The following PLPP4 variants were observed in gnomAD, a reference collection of about 807,000 sequenced individuals.
PLPP4 encodes the protein phospholipid phosphatase 4.
PLPP4 carries 20 observed loss-of-function variants against 32.2 expected under a neutral mutation model. That is an observed-to-expected ratio of 0.62 (90% CI 0.44 to 0.90). The LOEUF (loss-of-function observed/expected upper bound fraction) is 0.90. Among genes scored for constraint, PLPP4 ranks in the 40% least tolerant of loss-of-function variants. The pLI is 0.00. For missense variants in PLPP4, 257 were observed against 353.1 expected, an observed-to-expected ratio of 0.73 and a Z score of 2.18; for synonymous variants, 127 against 133.0, an observed-to-expected ratio of 0.95 and a Z score of 0.31.
At chr10:120,574,179 CTCTCTCTCT>C (rs1849095864) in intron 5 of PLPP4, among the ~76,000 whole-genome samples, 1 of 83,178 alleles carries the variant, frequency 1.2e-5, no homozygotes, top group African/African-American at 7.9e-5. Context: ...CTCTCTCTCT[CTCTCTCTCT>C]CTCTCTCTCT....
chr10:120,579,090 G>A (rs1849358779), intron 6 of PLPP4, among the ~76,000 whole-genome samples: 1 of 152,192 alleles, frequency 6.6e-6, no homozygotes, highest in South Asian at 2.1e-4. Context: ...CTAGTGGCAG[G>A]AATGTGGTGT....
At chr10:120,466,502 CTT>C (rs1848320625) in intron 1 of PLPP4, among the ~76,000 whole-genome samples, 1 of 152,122 alleles carries the variant, frequency 6.6e-6, no homozygotes, top group African/African-American at 2.4e-5. Context: ...AGAGCACACG[CTT>C]TACGGCTCCA....
intron 5 of PLPP4, among the ~76,000 whole-genome samples, chr10:120,562,272 A>G (rs1333241577): frequency 6.6e-6 from 1 of 152,168 alleles, no homozygotes; most frequent in African/African-American, 2.4e-5. Flanking sequence ...TGACTTTGGT[A>G]TATTAATTTT....
chr10:120,496,347 A>C (rs1844962402), intron 1 of PLPP4, among the ~76,000 whole-genome samples: 1 of 152,188 alleles, frequency 6.6e-6, no homozygotes, highest in Admixed American at 6.5e-5. Context: ...TGTGATGTCA[A>C]TATCAGCCAT....
intron 2 of PLPP4, 64 bp from the exon 3 acceptor site, chr10:120,513,841 CTAATTA>C: frequency 8.5e-7 from 1 of 1,172,800 alleles, no homozygotes; most frequent in Non-Finnish European, 1.3e-6. Flanking sequence ...CTAACGGGAA[CTAATTA>C]TCAATCAGCC....
At chr10:120,558,528 G>C (rs772627309) in intron 5 of PLPP4, among the ~76,000 whole-genome samples, 2 of 150,382 alleles carry the variant, frequency 1.3e-5, no homozygotes, top group Non-Finnish European at 2.9e-5. Flanking sequence ...CTATTCTCCT[G>C]CCTGAGCCTC....
chr10:120,483,680 C>T (rs896963647), intron 1 of PLPP4, among the ~76,000 whole-genome samples: 1 of 152,178 alleles, frequency 6.6e-6, no homozygotes, highest in Admixed American at 6.5e-5. Context: ...GGGATTGGAT[C>T]CCTTAAGAGT....
intron 6 of PLPP4, among the ~76,000 whole-genome samples, chr10:120,576,058 T>C (rs1849209836): frequency 6.6e-6 from 1 of 152,284 alleles, no homozygotes; most frequent in East Asian, 1.9e-4. Context: ...TGGATCACCT[T>C]GATCAAGCTG....
rs114917542 is a variant in PLPP4 at position 120,461,237 on chromosome 10, G to A, written c.56+3876G>A. Reference sequence around the variant, plus strand: ...GATGTGGTGAGTAAATTGCCGGTGAGAACATCAATTGTAGTAGTAAGAAAC... The same window carrying A: ...GATGTGGTGAGTAAATTGCCGGTGAAAACATCAATTGTAGTAGTAAGAAAC... On this transcript the variant is annotated intron_variant, in intron 1 of 6. Coordinates refer to ENST00000398250, the MANE Select transcript of PLPP4 (RefSeq NM_001030059.3). Among the ~76,000 whole-genome samples, 597 of 152,330 alleles carry A rather than the reference G, an allele frequency of 3.9e-3. 1 individual carries two copies. The highest frequency in any genetic ancestry group is 0.013 in the African/African-American group (560 of 41,580).
chr10:120,506,885 A>G (rs998846573), intron 2 of PLPP4, among the ~76,000 whole-genome samples: 1 of 152,216 alleles, frequency 6.6e-6, no homozygotes, highest in Non-Finnish European at 1.5e-5. Context: ...TTGACAACCC[A>G]GTGTTCCTGT....
chr10:120,542,643 C>CA (rs1847401897), intron 5 of PLPP4, among the ~76,000 whole-genome samples: 2 of 152,104 alleles, frequency 1.3e-5, no homozygotes, highest in Non-Finnish European at 1.5e-5. Context: ...TAAACCTCAG[C>CA]AAAAAAGTGA....
intron 5 of PLPP4, among the ~76,000 whole-genome samples, chr10:120,569,225 T>A (rs1350468903): frequency 2.1e-5 from 3 of 145,970 alleles, no homozygotes; most frequent in African/African-American, 7.7e-5. Context: ...GGGTAAAGAG[T>A]GAGACTCCAT....
intron 5 of PLPP4, among the ~76,000 whole-genome samples, chr10:120,533,241 T>G (rs925924860): frequency 7.9e-5 from 12 of 152,204 alleles, no homozygotes; most frequent in African/African-American, 2.9e-4. Flanking sequence ...GATTATGATT[T>G]TGATTTATGT....
rs972974599 is a variant in PLPP4 at position 120,538,052 on chromosome 10, CTG to C, written c.445+16989_445+16990del. Among the ~76,000 whole-genome samples the C allele has an allele frequency of 3.1e-3, 59 of 18,992 alleles. 1 individual carries two copies. Among genetic ancestry groups the C allele is most frequent in the African/African-American group, 0.013 (51 of 4,014 alleles). 12.5% of individuals were successfully genotyped at this position (18,992 alleles called of 152,430 possible). A position where few individuals can be genotyped will look rare whatever the true frequency, so the allele number is the denominator to read the frequency against. ...TCTCTCTCTCTCTCTCTCTCTCTCTCTGTGTGTGTGTGTGTGTGTGTGTGTGT... is the reference window on the plus strand; with the variant it reads ...TCTCTCTCTCTCTCTCTCTCTCTCTCTGTGTGTGTGTGTGTGTGTGTGTGT... On this transcript the variant is annotated intron_variant, in intron 5 of 6. Transcript: ENST00000398250.
intron 5 of PLPP4, among the ~76,000 whole-genome samples, chr10:120,558,564 C>T (rs1215694658): frequency 1.3e-5 from 2 of 151,754 alleles, no homozygotes; most frequent in Non-Finnish European, 2.9e-5. Context: ...TACAGGTGCC[C>T]ACCACCACAC....
At chr10:120,465,147 T>G (rs550225288) in intron 1 of PLPP4, among the ~76,000 whole-genome samples, 19 of 152,384 alleles carry the variant, frequency 1.2e-4, no homozygotes, top group African/African-American at 4.3e-4. Context: ...ATAGCATTTG[T>G]AAATAGAAAC....
intron 5 of PLPP4, among the ~76,000 whole-genome samples, chr10:120,534,617 A>G (rs571113576): frequency 6.6e-6 from 1 of 152,064 alleles, no homozygotes; most frequent in African/African-American, 2.4e-5. Context: ...ATATTTCTGT[A>G]AGACTGTTTA....
chr10:120,507,554 C>T (rs750025605), intron 2 of PLPP4, among the ~76,000 whole-genome samples: 42 of 152,180 alleles, frequency 2.8e-4, no homozygotes, highest in Non-Finnish European at 5.0e-4. Context: ...ACAGCTTGTC[C>T]GAGATTATAC....
chr10:120,559,868 C>T (rs1349307777), intron 5 of PLPP4, among the ~76,000 whole-genome samples: 1 of 152,192 alleles, frequency 6.6e-6, no homozygotes, highest in Non-Finnish European at 1.5e-5. Context: ...TACGTGGCAT[C>T]ATTCGCAGTC....
Sources: allele counts gnomAD v4.1 joint callset (sites outside exome capture counted in the v4.1 genomes callset), GRCh38; gene constraint gnomAD v4.1.1; transcripts MANE v1.5; gene names NCBI Gene and HGNC (gene_info 2026-07-23, HGNC 2026-07-21).